The following MTHFD2L variants were observed in gnomAD, a reference collection of about 807,000 sequenced individuals.
MTHFD2L encodes bifunctional methylenetetrahydrofolate dehydrogenase/cyclohydrolase 2, mitochondrial.
Under a neutral mutation model 34.9 loss-of-function variants are expected in MTHFD2L, and 29 were observed. That is an observed-to-expected ratio of 0.83 (90% CI 0.62 to 1.13). The LOEUF is 1.13. Among genes scored for constraint, MTHFD2L ranks in the 50% most tolerant of loss-of-function variants. MTHFD2L has a pLI of 0.00. For synonymous variants in MTHFD2L, 167 were observed against 155.7 expected (o/e 1.07, Z -0.54); for missense variants, 481 against 446.5 (o/e 1.08, Z -0.70).
intron 1 of MTHFD2L, among the ~76,000 whole-genome samples, chr4:74,139,972 G>A (rs1338799135): frequency 6.6e-6 from 1 of 152,036 alleles, no homozygotes; most frequent in Non-Finnish European, 1.5e-5. Flanking sequence ...TTTTATCACA[G>A]GTAAAATAGT....
intron 1 of MTHFD2L, among the ~76,000 whole-genome samples, chr4:74,130,738 G>A (rs908697745): frequency 5.9e-5 from 9 of 152,238 alleles, no homozygotes; most frequent in African/African-American, 2.2e-4. Flanking sequence ...TCTGGCCAGG[G>A]CAATCAGGCA....
chr4:74,301,839 T>C lies in MTHFD2L; in HGVS notation c.*30T>C. 7.2e-7 allele frequency: 1 copy of C among 1,386,872 alleles called. No homozygotes were observed. Among genetic ancestry groups the C allele is most frequent in the Non-Finnish European group, 1.0e-6 (1 of 992,188 alleles). The allele number at this position is 1,386,872 out of a possible 1,614,324, so 85.9% of individuals were successfully genotyped here. A position where few individuals can be genotyped will look rare whatever the true frequency, so the allele number is the denominator to read the frequency against. ...CATGAAAGGATAAAGCAAACTGAAGTCATGCTATTTGTTTATTTGACAAAG... is the reference window on the plus strand; with the variant it reads ...CATGAAAGGATAAAGCAAACTGAAGCCATGCTATTTGTTTATTTGACAAAG... On this transcript the variant is annotated 3_prime_UTR_variant, in exon 8 of 8. Transcript: ENST00000325278.
intron 3 of MTHFD2L, among the ~76,000 whole-genome samples, chr4:74,185,117 A>G (rs1455032016): frequency 7.2e-6 from 1 of 138,056 alleles, no homozygotes; most frequent in Non-Finnish European, 1.5e-5. Context: ...AAGCCACTGC[A>G]CTCTAGCCTG....
chr4:74,299,315 T>C (rs184070018), intron 7 of MTHFD2L, among the ~76,000 whole-genome samples: 2 of 151,950 alleles, frequency 1.3e-5, no homozygotes, highest in Admixed American at 6.6e-5. Flanking sequence ...GCTTTACAAA[T>C]ATATGACTTT....
chr4:74,270,391 A>G (rs912498574), intron 6 of MTHFD2L, among the ~76,000 whole-genome samples: 1 of 151,774 alleles, frequency 6.6e-6, no homozygotes, highest in Non-Finnish European at 1.5e-5. Context: ...TCATTGTTCA[A>G]TTCCCACCTA....
At chr4:74,221,921 T>C (rs77603129) in intron 5 of MTHFD2L, among the ~76,000 whole-genome samples, 1,949 of 152,046 alleles carry the variant, frequency 0.013, 47 homozygotes, top group African/African-American at 0.045. Context: ...TGGCTACTGA[T>C]ACTCTAGTAC....
At chr4:74,164,660 A>G (rs1726267695) in intron 1 of MTHFD2L, among the ~76,000 whole-genome samples, 1 of 152,242 alleles carries the variant, frequency 6.6e-6, no homozygotes, top group Admixed American at 6.5e-5. Flanking sequence ...CATTATATAG[A>G]TGAAGAAATT....
chr4:74,127,649 A>C (rs1327911018), intron 1 of MTHFD2L, among the ~76,000 whole-genome samples: 2 of 152,146 alleles, frequency 1.3e-5, no homozygotes, highest in African/African-American at 4.8e-5. Context: ...ACACTCATCC[A>C]TTGATGGACA....
chr4:74,278,050 T>C (rs1318679237), intron 6 of MTHFD2L, among the ~76,000 whole-genome samples: 1 of 152,152 alleles, frequency 6.6e-6, no homozygotes, highest in East Asian at 1.9e-4. Flanking sequence ...TAAAGTTAGC[T>C]GAATTAAACT....
chr4:74,157,274 G>A (rs1724358181), upstream of MTHFD2L: 2 of 204,170 alleles, frequency 9.8e-6, no homozygotes, highest in Non-Finnish European at 2.0e-5. Context: ...CAGTAAAAGT[G>A]CAGCTATGAA....
intron 3 of MTHFD2L, among the ~76,000 whole-genome samples, chr4:74,184,686 A>T (rs1365021556): frequency 1.3e-5 from 2 of 152,154 alleles, no homozygotes; most frequent in Non-Finnish European, 2.9e-5. Flanking sequence ...AAATTTATAG[A>T]ATACTCTCCC....
rs200073643 is a variant in MTHFD2L, at chr4:74,300,106, C to T, written c.932-1591C>T. ...TCTAATGTTTCTATAGAATAGAATG[C>T]ATTAGATGGAAATGTGGCAATGGAA... On this transcript the variant is annotated intron_variant, in intron 7 of 7. Coordinates refer to ENST00000325278, the MANE Select transcript of MTHFD2L (RefSeq NM_001144978.3). Among the ~76,000 whole-genome samples, 31 of 152,076 alleles carry T rather than the reference C, an allele frequency of 2.0e-4. No individual in the cohort carries two copies. The East Asian group carries it at 5.6e-3, about 27-fold the overall frequency.
At chr4:74,145,563 T>C (rs955624507) in intron 1 of MTHFD2L, among the ~76,000 whole-genome samples, 1 of 152,190 alleles carries the variant, frequency 6.6e-6, no homozygotes, top group African/African-American at 2.4e-5. Context: ...AAAAAAATAC[T>C]TGTTACACAT....
At chr4:74,277,398 C>G (rs1578693732) in intron 6 of MTHFD2L, among the ~76,000 whole-genome samples, 2 of 152,066 alleles carry the variant, frequency 1.3e-5, no homozygotes, top group South Asian at 4.2e-4. Flanking sequence ...GTACCCAACA[C>G]TTTCTCTTTA....
chr4:74,176,589 A>G (rs1729091598), intron 3 of MTHFD2L, among the ~76,000 whole-genome samples: 1 of 152,062 alleles, frequency 6.6e-6, no homozygotes, highest in South Asian at 2.1e-4. Flanking sequence ...GTGACCAATC[A>G]TTTGAAAGAA....
chr4:74,210,641 G>A (rs565170913), intron 5 of MTHFD2L, among the ~76,000 whole-genome samples: 3 of 152,210 alleles, frequency 2.0e-5, no homozygotes, highest in South Asian at 4.1e-4. Context: ...CTCTAGCTTT[G>A]TTCTTTTTGT....
At position 74,219,945 on chromosome 4, in the gene MTHFD2L, T is replaced by C. The variant is rs1560500993; in HGVS notation, c.713-5357T>C. Among the ~76,000 whole-genome samples the C allele has an allele frequency of 3.3e-5, 5 of 152,142 alleles. No individual in the cohort carries two copies. In the South Asian group the frequency reaches 1.0e-3, roughly 31 times the overall value. The stretch of plus-strand genomic sequence containing the variant: ...GGTTTTCCACGCAGATTGAAATTTA[T>C]CCTGATATACTTTTCTTTTGCCTGC... On this transcript the variant is annotated intron_variant, in intron 5 of 7. Transcript: ENST00000325278.
At chr4:74,221,129 T>C (rs1738106383) in intron 5 of MTHFD2L, among the ~76,000 whole-genome samples, 1 of 151,188 alleles carries the variant, frequency 6.6e-6, no homozygotes, top group Non-Finnish European at 1.5e-5. Flanking sequence ...TCTTTTTTTT[T>C]CCGATTTTGT....
chr4:74,235,639 G>C (rs936966922), intron 6 of MTHFD2L, among the ~76,000 whole-genome samples: 6 of 152,100 alleles, frequency 3.9e-5, no homozygotes, highest in South Asian at 2.1e-4. Flanking sequence ...TCTGTTTATA[G>C]TGCATGGACT....
Sources: allele counts gnomAD v4.1 joint callset (sites outside exome capture counted in the v4.1 genomes callset), GRCh38; gene constraint gnomAD v4.1.1; transcripts MANE v1.5; gene names NCBI Gene and HGNC (gene_info 2026-07-23, HGNC 2026-07-21).